Variants in TNNI3K observed in about 807,000 individuals in gnomAD.
TNNI3K encodes the protein serine/threonine-protein kinase TNNI3K.
In TNNI3K, 140 loss-of-function variants were observed where a neutral mutation model predicts 114.5. The ratio of observed to expected loss-of-function variants is 1.22; its 90% CI spans 1.07 to 1.41. The LOEUF is 1.41. Among genes scored for constraint, TNNI3K ranks in the 40% most tolerant of loss-of-function variants. The probability of loss-of-function intolerance (pLI) is 0.00; values close to 1 mark genes in which losing one functional copy is unlikely to be tolerated. For synonymous variants in TNNI3K, 347 were observed against 347.5 expected, an observed-to-expected ratio of 1.00 and a Z score of 0.02; for missense variants, 1,125 against 1,007.6, an observed-to-expected ratio of 1.12 and a Z score of -1.58.
chr1:74,359,439 A>C (rs532769891), intron 11 of TNNI3K, among the ~76,000 whole-genome samples: 2 of 151,982 alleles, frequency 1.3e-5, no homozygotes, highest in Non-Finnish European at 2.9e-5. Flanking sequence ...GGAATCCGCT[A>C]TAAACCCTCT....
chr1:74,331,900 T>A (rs1570474998), intron 6 of TNNI3K, among the ~76,000 whole-genome samples: 2 of 152,144 alleles, frequency 1.3e-5, no homozygotes, highest in Non-Finnish European at 2.9e-5. Context: ...GGGAAAGATA[T>A]TAATTATAAC....
chr1:74,404,089 A>G (rs554528168), intron 17 of TNNI3K, among the ~76,000 whole-genome samples: 1 of 152,314 alleles, frequency 6.6e-6, no homozygotes, highest in Non-Finnish European at 1.5e-5. Context: ...AGATTTGGAT[A>G]TAGATTGTAA....
intron 17 of TNNI3K, among the ~76,000 whole-genome samples, chr1:74,404,732 ATGC>A (rs1664532719): frequency 6.6e-6 from 1 of 152,124 alleles, no homozygotes; most frequent in Non-Finnish European, 1.5e-5. Flanking sequence ...TCACTTCTCT[ATGC>A]TTCATCCTCT....
intron 23 of TNNI3K, among the ~76,000 whole-genome samples, chr1:74,537,624 C>T (rs955154515): frequency 6.6e-6 from 1 of 152,142 alleles, no homozygotes; most frequent in Non-Finnish European, 1.5e-5. Flanking sequence ...TGGCTAACCC[C>T]TGTGGGGAAT....
In TNNI3K at chr1:74,408,851, A is replaced by G. The variant is rs114666666; in HGVS notation, c.1773-27229A>G. Among the ~76,000 whole-genome samples, 499 of 152,314 alleles carry G rather than the reference A, an allele frequency of 3.3e-3. 2 individuals carry two copies. The highest frequency in any genetic ancestry group is 0.011 in the African/African-American group (469 of 41,582). On this transcript the variant is annotated intron_variant, in intron 17 of 24. Coordinates refer to ENST00000326637, the MANE Select transcript of TNNI3K (RefSeq NM_015978.3). ...TAATTTCATAACGTAGGTCTGTATA[A>G]GACATTTTGTTGTACTATTTTGTAG...
At chr1:74,362,223 A>T (rs1021749655) in intron 11 of TNNI3K, among the ~76,000 whole-genome samples, 1 of 152,106 alleles carries the variant, frequency 6.6e-6, no homozygotes, top group African/African-American at 2.4e-5. Context: ...TTTTAACATA[A>T]TGGGAAGGGG....
intron 4 of TNNI3K, among the ~76,000 whole-genome samples, chr1:74,257,208 C>T (rs1014729833): frequency 8.6e-5 from 13 of 152,038 alleles, no homozygotes; most frequent in Non-Finnish European, 4.4e-5. Context: ...TTTACTTTTC[C>T]GTTCTAGGAT....
intron 20 of TNNI3K, among the ~76,000 whole-genome samples, 186 bp from the exon 21 acceptor site, chr1:74,463,255 T>A (rs1428330612): frequency 6.6e-6 from 1 of 152,190 alleles, no homozygotes; most frequent in African/African-American, 2.4e-5. Context: ...TAAAGATAAG[T>A]TTGTAGTATC....
chr1:74,388,101 A>G (rs1179861513), intron 17 of TNNI3K, among the ~76,000 whole-genome samples: 1 of 152,120 alleles, frequency 6.6e-6, no homozygotes, highest in African/African-American at 2.4e-5. Flanking sequence ...AATATGGCGA[A>G]ACCCCATCTC....
intron 23 of TNNI3K, among the ~76,000 whole-genome samples, chr1:74,520,454 C>A (rs547466839): frequency 3.6e-4 from 54 of 152,010 alleles, no homozygotes; most frequent in African/African-American, 1.3e-3. Flanking sequence ...ATGGAGAAAT[C>A]GACCTTCTCA....
In TNNI3K at chr1:74,369,259, A is replaced by G; in HGVS notation, c.1467A>G (p.Ile489Met). The G allele has an allele frequency of 1.2e-6, 2 of 1,612,208 alleles. No individual in the cohort carries two copies. The highest frequency in any genetic ancestry group is 8.5e-7 in the Non-Finnish European group (1 of 1,179,054). Residue 489 changes from isoleucine (I) to methionine (M), a missense_variant, in exon 15 of 25, where the codon ATA becomes ATG. Transcript: ENST00000326637. The part of the protein sequence containing the change: ...KGRCRNKIVA[I>M]KRYRANTYCS... ...GATGCAGAAATAAAATAGTGGCTAT[A>G]AAACGGTAAGCAAGCAAATGAAAAA...
In TNNI3K at chr1:74,369,031, A is replaced by G. The variant is rs200397497; in HGVS notation, c.1331A>G (p.Asp444Gly). 7.6e-5 allele frequency: 121 copies of G among 1,601,318 alleles called. No individual in the cohort carries two copies. The highest frequency in any genetic ancestry group is 1.7e-4 in the Middle Eastern group (1 of 5,984). ...CAATTTCTCTTTGCAGAGAAGGCAG[A>G]TATTCTCCTCCTAAGAGCTGGATTG... ...KIKSMTKEKA[D>G]ILLLRAGLPS... Residue 444 changes from aspartate to glycine, a missense_variant, in exon 14 of 25, where the codon GAT (aspartate) becomes GGT (glycine). Physicochemically the swap from Asp to Gly is moderately conservative, Grantham distance 94 (BLOSUM62 -1). Transcript: ENST00000326637.
intron 7 of TNNI3K, among the ~76,000 whole-genome samples, chr1:74,338,058 A>G (rs971633504): frequency 3.1e-4 from 47 of 152,064 alleles, no homozygotes; most frequent in Admixed American, 2.0e-3. Context: ...GAATATATAT[A>G]TAAACACACA....
At chr1:74,337,771 A>G (rs1660551403) in intron 7 of TNNI3K, among the ~76,000 whole-genome samples, 1 of 151,950 alleles carries the variant, frequency 6.6e-6, no homozygotes, top group South Asian at 2.1e-4. Flanking sequence ...TCTGGCTTTT[A>G]TTGCTATATA....
At chr1:74,292,134 G>T (rs1456184332) in intron 5 of TNNI3K, among the ~76,000 whole-genome samples, 1 of 151,036 alleles carries the variant, frequency 6.6e-6, no homozygotes, top group African/African-American at 2.4e-5. Flanking sequence ...CTTTTTGTCG[G>T]TCTTATCAGA....
At chr1:74,504,647 T>A (rs1018938292) in intron 23 of TNNI3K, among the ~76,000 whole-genome samples, 3 of 151,788 alleles carry the variant, frequency 2.0e-5, no homozygotes, top group African/African-American at 4.8e-5. Flanking sequence ...TTAAAAAAAA[T>A]TTAAGTACCT....
intron 23 of TNNI3K, among the ~76,000 whole-genome samples, chr1:74,524,500 G>T (rs1036198392): frequency 7.9e-5 from 12 of 152,166 alleles, no homozygotes; most frequent in Admixed American, 6.5e-4. Context: ...TTAAAAAATT[G>T]CACAGGAAAA....
At chr1:74,513,129 T>C (rs977022005) in intron 23 of TNNI3K, among the ~76,000 whole-genome samples, 13 of 152,214 alleles carry the variant, frequency 8.5e-5, no homozygotes, top group African/African-American at 3.1e-4. Context: ...TCGATACTGT[T>C]TCACTGGCCT....
intron 5 of TNNI3K, among the ~76,000 whole-genome samples, chr1:74,311,348 T>C (rs1557489944): frequency 6.6e-6 from 1 of 152,174 alleles, no homozygotes; most frequent in Non-Finnish European, 1.5e-5. Flanking sequence ...AAAAAAAATC[T>C]GTCATATACA....
Sources: gnomAD v4.1 joint callset for allele counts (sites outside exome capture counted in the v4.1 genomes callset) on GRCh38, gnomAD v4.1.1 for gene constraint, MANE v1.5 for transcripts, NCBI Gene and HGNC (gene_info 2026-07-23, HGNC 2026-07-21) for gene names.